DCLK1: variants seen among roughly 807,000 people sequenced by gnomAD.
DCLK1 encodes doublecortin like kinase 1, also known as serine/threonine-protein kinase DCLK1.
Under a neutral mutation model 86.2 loss-of-function variants are expected in DCLK1, and 16 were observed. The ratio of observed to expected loss-of-function variants is 0.19; its 90% confidence interval spans 0.13 to 0.28. The LOEUF (loss-of-function observed/expected upper bound fraction) is 0.28. Among genes scored for constraint, DCLK1 ranks in the 10% least tolerant of loss-of-function variants. The pLI, the probability that DCLK1 is intolerant of heterozygous loss-of-function variation, is 1.00. For synonymous variants in DCLK1, 369 were observed against 370.5 expected (o/e 1.00, Z 0.05); for missense variants, 590 against 940.2 (o/e 0.63, Z 4.87).
chr13:35,972,588 CAGAGAGA>C (rs1301246876), intron 3 of DCLK1, among the ~76,000 whole-genome samples: 1 of 151,728 alleles, frequency 6.6e-6, no homozygotes, highest in Non-Finnish European at 1.5e-5. Context: ...GGTTGCCACA[CAGAGAGA>C]AGTGACAAGG....
At chr13:35,801,503 G>T (rs2086918159) in intron 15 of DCLK1, among the ~76,000 whole-genome samples, 1 of 88,164 alleles carries the variant, frequency 1.1e-5, no homozygotes, top group Non-Finnish European at 2.0e-5. Flanking sequence ...TACAGAAAGG[G>T]TATTTTTTTT....
At chr13:35,917,404 A>G (rs896358818) in intron 4 of DCLK1, among the ~76,000 whole-genome samples, 1 of 152,106 alleles carries the variant, frequency 6.6e-6, no homozygotes, top group Non-Finnish European at 1.5e-5. Flanking sequence ...CGGGCCCTCA[A>G]ATAGCATTTC....
In DCLK1 at chr13:35,774,666, G is replaced by C. The variant is rs772398107; in HGVS notation, c.2092C>G (p.Arg698Gly). Residue 698 changes from arginine (R) to glycine (G), a missense_variant, in exon 17 of 17, where the codon CGA (arginine) becomes GGA (glycine). Arg to Gly is a moderately radical substitution (Grantham distance 125, BLOSUM62 -2). This residue lies in a region of DCLK1 where 146 missense variants were observed against 190.2 expected (regional missense o/e 0.77). Coordinates refer to ENST00000360631, the MANE Select transcript of DCLK1 (RefSeq NM_001330071.2). ...CTCACATCCTGGTTGCGTCTTCGTC[G>C]GAAAACCTGCCTCTCCTTATCAAGA... ...TALDKERQVF[R>G]RRRNQDVRSR... 6.2e-7 allele frequency: 1 copy of C among 1,611,458 alleles called. No individual in the cohort carries two copies. Among genetic ancestry groups the C allele is most frequent in the Non-Finnish European group, 8.5e-7 (1 of 1,178,964 alleles).
chr13:35,858,733 A>G (rs968925519), intron 5 of DCLK1, among the ~76,000 whole-genome samples: 3 of 152,322 alleles, frequency 2.0e-5, no homozygotes, highest in South Asian at 2.1e-4. Context: ...TAATAAAACC[A>G]CTGGGCTCAG....
At chr13:36,033,132 A>G (rs375756689) in intron 3 of DCLK1, among the ~76,000 whole-genome samples, 1 of 152,228 alleles carries the variant, frequency 6.6e-6, no homozygotes, top group East Asian at 1.9e-4. Flanking sequence ...TCACGCTTTT[A>G]AAATATGAAC....
At chr13:35,981,208 G>A (rs1220143109) in intron 3 of DCLK1, among the ~76,000 whole-genome samples, 1 of 151,988 alleles carries the variant, frequency 6.6e-6, no homozygotes, top group Non-Finnish European at 1.5e-5. Context: ...TCTCATAGAA[G>A]TGGAATAAAA....
intron 4 of DCLK1, among the ~76,000 whole-genome samples, chr13:35,933,914 T>C (rs967257714): frequency 1.3e-5 from 2 of 152,222 alleles, no homozygotes; most frequent in African/African-American, 4.8e-5. Flanking sequence ...TTCTATCACA[T>C]TGTCAAGCTG....
At chr13:36,101,256 T>C (rs1885207613) in intron 3 of DCLK1, among the ~76,000 whole-genome samples, 1 of 152,194 alleles carries the variant, frequency 6.6e-6, no homozygotes, top group East Asian at 1.9e-4. Context: ...TTGTTCAGCC[T>C]TCCTGACTCT....
In DCLK1 at chr13:35,847,797, A is replaced by T. The variant is rs563692112; in HGVS notation, c.1035+6702T>A. The stretch of plus-strand genomic sequence containing the variant: ...TGTTTTTTGGGTTCTTAATATTTAG[A>T]TGAGCCAATATATGCGCACAGGGAT... On this transcript the variant is annotated intron_variant, in intron 6 of 16. Transcript: ENST00000360631. 16 of 985,182 alleles carry T rather than the reference A, an allele frequency of 1.6e-5. No homozygotes were observed. The East Asian group carries it at 1.7e-3, about 105-fold the overall frequency. 61.0% of individuals were successfully genotyped at this position (985,182 alleles called of 1,614,324 possible). A position where few individuals can be genotyped will look rare whatever the true frequency, so the allele number is the denominator to read the frequency against.
At chr13:36,080,225 C>T (rs9565840) in intron 3 of DCLK1, among the ~76,000 whole-genome samples, 26,385 of 152,100 alleles carry the variant, frequency 0.17, 2,715 homozygotes, top group East Asian at 0.44. Context: ...CAAGGCCTAG[C>T]TTGTGCGGAT....
intron 3 of DCLK1, among the ~76,000 whole-genome samples, chr13:35,975,276 T>C (rs564456956): frequency 6.6e-6 from 1 of 152,302 alleles, no homozygotes; most frequent in Non-Finnish European, 1.5e-5. Context: ...TATGACCTGT[T>C]CTGGAGAACC....
intron 2 of DCLK1, among the ~76,000 whole-genome samples, chr13:36,117,400 T>C (rs1885826899): frequency 6.6e-6 from 1 of 152,140 alleles, no homozygotes; most frequent in African/African-American, 2.4e-5. Context: ...GTACCTATTA[T>C]AATTGCAACA....
intron 2 of DCLK1, among the ~76,000 whole-genome samples, chr13:36,121,684 A>C (rs1229272562): frequency 1.3e-5 from 2 of 152,226 alleles, no homozygotes; most frequent in Admixed American, 6.5e-5. Flanking sequence ...CACAGTATAC[A>C]CAGGGTTCAG....
chr13:35,801,124 A>G lies in DCLK1; in HGVS notation c.1944+4575T>C, dbSNP rs977598654. Among the ~76,000 whole-genome samples, 5 of 152,342 alleles carry G rather than the reference A, an allele frequency of 3.3e-5. 1 individual carries two copies. In the South Asian group the frequency reaches 8.3e-4, roughly 25 times the overall value. On this transcript the variant is annotated intron_variant, in intron 15 of 16. Transcript: ENST00000360631. ...GAGAGCAGAGAAAGTGCTTTTTGACAACGTCCTTACGGTTCACATAATTAT... is the reference window on the plus strand; with the variant it reads ...GAGAGCAGAGAAAGTGCTTTTTGACGACGTCCTTACGGTTCACATAATTAT...
At chr13:35,963,520 G>T (rs931520985) in intron 3 of DCLK1, among the ~76,000 whole-genome samples, 3 of 152,196 alleles carry the variant, frequency 2.0e-5, no homozygotes, top group Admixed American at 6.5e-5. Context: ...TTCTGGCATT[G>T]TTCTGGTCAA....
At chr13:35,875,123 T>C (rs1225321745) in intron 4 of DCLK1, among the ~76,000 whole-genome samples, 1 of 152,232 alleles carries the variant, frequency 6.6e-6, no homozygotes, top group Admixed American at 6.5e-5. Flanking sequence ...GGACCTCATG[T>C]TTGAAAAATG....
chr13:35,899,338 A>AGTGTGTGTGT (rs755180041), intron 4 of DCLK1, among the ~76,000 whole-genome samples: 1 of 143,818 alleles, frequency 7.0e-6, no homozygotes, highest in Non-Finnish European at 1.5e-5. Context: ...GAGAAATACA[A>AGTGTGTGTGT]GTGTGTGTGT....
chr13:35,851,265 T>C (rs1268715749), intron 6 of DCLK1, among the ~76,000 whole-genome samples: 1 of 152,186 alleles, frequency 6.6e-6, no homozygotes, highest in East Asian at 1.9e-4. Context: ...TTTCTCAAAA[T>C]ATTATGTTTG....
rs138009070 is a variant in DCLK1 at position 36,102,545 on chromosome 13, G to T, written c.723+9324C>A. ...AACAGTTCTAAGGCAAAGCAGAAGT[G>T]ATTATCCACAGAAAGAGAACTACCT... On this transcript the variant is annotated intron_variant, in intron 3 of 16. Transcript: ENST00000360631. Among the ~76,000 whole-genome samples, 386 of 152,294 alleles carry T rather than the reference G, an allele frequency of 2.5e-3. 1 individual carries two copies. Among genetic ancestry groups the T allele is most frequent in the Non-Finnish European group, 4.6e-3 (315 of 68,028 alleles).
Sources: allele counts gnomAD v4.1 joint callset (sites outside exome capture counted in the v4.1 genomes callset), GRCh38; gene constraint gnomAD v4.1.1; regional missense constraint gnomAD v4.1.1; transcripts MANE v1.5; gene names NCBI Gene and HGNC (gene_info 2026-07-23, HGNC 2026-07-21).